Variants in MARCHF8 observed in about 807,000 individuals in gnomAD.
MARCHF8 encodes E3 ubiquitin-protein ligase MARCHF8.
MARCHF8 carries 40 observed loss-of-function variants against 51.6 expected under a neutral mutation model. The ratio of observed to expected loss-of-function variants is 0.77; its 90% CI spans 0.60 to 1.01. The LOEUF is 1.01. MARCHF8 is among the 50% of genes least tolerant of loss of function. The pLI, the probability that MARCHF8 is intolerant of heterozygous loss-of-function variation, is 0.00. For synonymous variants in MARCHF8, 263 were observed against 280.3 expected, an observed-to-expected ratio of 0.94 and a Z score of 0.62; for missense variants, 685 against 708.6, an observed-to-expected ratio of 0.97 and a Z score of 0.38.
chr10:45,499,844 A>G (rs2043246917), intron 2 of MARCHF8, among the ~76,000 whole-genome samples: 1 of 152,168 alleles, frequency 6.6e-6, no homozygotes, highest in Non-Finnish European at 1.5e-5. Context: ...TAGCTTTGTA[A>G]TAAGTTTTGA....
chr10:45,567,383 T>C (rs1239515224), intron 1 of MARCHF8, among the ~76,000 whole-genome samples: 1 of 152,252 alleles, frequency 6.6e-6, no homozygotes, highest in Non-Finnish European at 1.5e-5. Context: ...TTTCCTAATG[T>C]TTCCTTGTAG....
intron 2 of MARCHF8, among the ~76,000 whole-genome samples, chr10:45,498,998 A>C (rs1232845311): frequency 1.3e-5 from 2 of 152,112 alleles, no homozygotes; most frequent in Admixed American, 6.5e-5. Flanking sequence ...TACAGTAATA[A>C]TTATCTTTTA....
chr10:45,587,130 TAGAA>T (rs1228475495), intron 1 of MARCHF8, among the ~76,000 whole-genome samples: 1 of 151,934 alleles, frequency 6.6e-6, no homozygotes, highest in Non-Finnish European at 1.5e-5. Context: ...GAAAAAGAAA[TAGAA>T]AGCACATGAG....
chr10:45,494,192 C>T (rs561853143), intron 2 of MARCHF8, among the ~76,000 whole-genome samples: 25 of 152,296 alleles, frequency 1.6e-4, no homozygotes, highest in African/African-American at 4.8e-4. Flanking sequence ...ACAATTTAAT[C>T]AGTGCTGTCA....
chr10:45,468,973 T>C (rs79594810), intron 3 of MARCHF8, among the ~76,000 whole-genome samples: 2 of 152,100 alleles, frequency 1.3e-5, no homozygotes, highest in Admixed American at 1.3e-4. Context: ...TAGGAATTCA[T>C]CCTCACACAC....
intron 2 of MARCHF8, among the ~76,000 whole-genome samples, chr10:45,531,648 T>A (rs2043888075): frequency 6.6e-6 from 1 of 152,238 alleles, no homozygotes; most frequent in Non-Finnish European, 1.5e-5. Flanking sequence ...CATTCATTCA[T>A]TCATCAACTG....
chr10:45,525,183 G>GT, intron 2 of MARCHF8, among the ~76,000 whole-genome samples: 1 of 152,176 alleles, frequency 6.6e-6, no homozygotes, highest in East Asian at 1.9e-4. Flanking sequence ...ATACTCATGT[G>GT]TTTTTAGAGC....
chr10:45,479,268 A>G (rs1037326381), intron 3 of MARCHF8, among the ~76,000 whole-genome samples: 3 of 152,242 alleles, frequency 2.0e-5, no homozygotes, highest in Admixed American at 2.0e-4. Context: ...ATAGAAGCAG[A>G]AAAGGCATTT....
intron 1 of MARCHF8, among the ~76,000 whole-genome samples, chr10:45,561,275 ATTT>A (rs369519527): frequency 3.5e-5 from 5 of 142,934 alleles, no homozygotes; most frequent in East Asian, 2.1e-4. Flanking sequence ...ATGAAACAGA[ATTT>A]TTTTTTTTTT....
chr10:45,578,246 C>G (rs538455671), intron 1 of MARCHF8, among the ~76,000 whole-genome samples: 3 of 152,026 alleles, frequency 2.0e-5, no homozygotes, highest in Admixed American at 2.0e-4. Flanking sequence ...GTGGGCCATA[C>G]AAAATGAGCC....
At chr10:45,535,756 C>A (rs1400263430), upstream of MARCHF8, among the ~76,000 whole-genome samples, 1 of 152,168 alleles carries the variant, frequency 6.6e-6, no homozygotes, top group Non-Finnish European at 1.5e-5. Flanking sequence ...TTTATATCAA[C>A]TAAATTAATC....
chr10:45,484,517 A>AT (rs2042946017), intron 3 of MARCHF8, among the ~76,000 whole-genome samples: 1 of 152,144 alleles, frequency 6.6e-6, no homozygotes, highest in Non-Finnish European at 1.5e-5. Context: ...AATTAAACAG[A>AT]TTTTTTTCCA....
chr10:45,495,330 G>C (rs1260232334), intron 2 of MARCHF8, among the ~76,000 whole-genome samples: 2 of 151,220 alleles, frequency 1.3e-5, no homozygotes, highest in Non-Finnish European at 2.9e-5. Context: ...AAAAAAATTA[G>C]TGAGCAGAGT....
chr10:45,515,836 G>A (rs936250344), intron 2 of MARCHF8, among the ~76,000 whole-genome samples: 5 of 152,182 alleles, frequency 3.3e-5, no homozygotes, highest in African/African-American at 7.2e-5. Flanking sequence ...GGCATGCTGC[G>A]GAGAGGGCAG....
At chr10:45,585,864 CCAAT>C (rs1461980769) in intron 1 of MARCHF8, among the ~76,000 whole-genome samples, 3 of 151,962 alleles carry the variant, frequency 2.0e-5, no homozygotes, top group Admixed American at 6.5e-5. Context: ...TATAAAGAGT[CCAAT>C]CATTTTTTTA....
At chr10:45,460,683 G>C (rs1203484074) in intron 6 of MARCHF8, among the ~76,000 whole-genome samples, 1 of 152,204 alleles carries the variant, frequency 6.6e-6, no homozygotes, top group Non-Finnish European at 1.5e-5. Context: ...TGGGCCTCCA[G>C]ACAGCTGCGT....
intron 1 of MARCHF8, among the ~76,000 whole-genome samples, chr10:45,559,023 G>A (rs1442873967): frequency 6.6e-6 from 1 of 152,038 alleles, no homozygotes; most frequent in African/African-American, 2.4e-5. Flanking sequence ...AGAAAGAAAA[G>A]GTATAGTTTA....
chr10:45,459,793 C>T (rs1842728447), intron 6 of MARCHF8: 1 of 985,414 alleles, frequency 1.0e-6, no homozygotes, highest in Non-Finnish European at 1.2e-6. Flanking sequence ...GCTAAGAGTT[C>T]CTGGTACAAG....
intron 1 of MARCHF8, among the ~76,000 whole-genome samples, chr10:45,581,815 G>C (rs1360707940): frequency 6.6e-6 from 1 of 152,016 alleles, no homozygotes; most frequent in Non-Finnish European, 1.5e-5. Flanking sequence ...CGGGGAAAGT[G>C]TCAAGCTTTC....
Sources: gnomAD v4.1 joint callset for allele counts (sites outside exome capture counted in the v4.1 genomes callset) on GRCh38, gnomAD v4.1.1 for gene constraint, MANE v1.5 for transcripts, NCBI Gene and HGNC (gene_info 2026-07-23, HGNC 2026-07-21) for gene names.